PSMG4: variants seen among roughly 807,000 people sequenced by gnomAD.
The protein encoded by PSMG4 is proteasome (prosome, macropain) assembly chaperone 4.
A neutral mutation model predicts 11.0 loss-of-function variants in PSMG4; 10 were observed. That is an observed-to-expected ratio of 0.91 (90% confidence interval 0.56 to 1.54). The LOEUF (loss-of-function observed/expected upper bound fraction) is 1.54. Ranked by LOEUF, PSMG4 falls within the 40% of genes most tolerant of loss-of-function variation. The probability of loss-of-function intolerance (pLI) is 0.00; values close to 1 mark genes in which losing one functional copy is unlikely to be tolerated. For missense variants in PSMG4, 198 were observed against 160.9 expected (o/e 1.23, Z -1.25); for synonymous variants, 95 against 71.3 (o/e 1.33, Z -1.68).
chr6:3,265,360 G>A (rs1449630941), intron 2 of PSMG4: 1 of 152,342 alleles, frequency 6.6e-6, no homozygotes, highest in East Asian at 1.9e-4. Flanking sequence ...TAGGGAAAGA[G>A]AAGGCCTGGG....
At chr6:3,254,853 C>G (rs1259633242), upstream of PSMG4, among the ~76,000 whole-genome samples, 1 of 152,186 alleles carries the variant, frequency 6.6e-6, no homozygotes, top group African/African-American at 2.4e-5. Flanking sequence ...CACTTTAACT[C>G]AGGGTGAACA....
upstream of PSMG4, among the ~76,000 whole-genome samples, chr6:3,255,566 A>ACATGAGATGGTTACC (rs1561837303): frequency 6.6e-6 from 1 of 152,222 alleles, no homozygotes; most frequent in African/African-American, 2.4e-5. Flanking sequence ...TGTTCTGTTT[A>ACATGAGATGGTTACC]CATGAGATGG....
chr6:3,255,200 T>C (rs767652722), upstream of PSMG4: 4 of 1,550,284 alleles, frequency 2.6e-6, no homozygotes, highest in African/African-American at 5.5e-5. Context: ...AGTAGGATGT[T>C]TGGTGGCAGC....
At chr6:3,267,434 C>T in intron 2 of PSMG4, 157 bp from the exon 3 acceptor site, 1 of 752,442 alleles carries the variant, frequency 1.3e-6, no homozygotes, top group Non-Finnish European at 2.0e-6. Context: ...TCTGCATTTG[C>T]AGCACCTGTC....
At chr6:3,263,381 C>T (rs973153449) in intron 1 of PSMG4, among the ~76,000 whole-genome samples, 1 of 152,230 alleles carries the variant, frequency 6.6e-6, no homozygotes, top group Non-Finnish European at 1.5e-5. Context: ...TGTGGTGTTG[C>T]CCTTCAGCAT....
In PSMG4 at chr6:3,267,992, A is replaced by G; in HGVS notation, c.*280A>G. The G allele has an allele frequency of 3.3e-6, 1 of 300,388 alleles. No individual in the cohort carries two copies. The highest frequency in any genetic ancestry group is 2.1e-5 in the African/African-American group (1 of 47,140). The allele number at this position is 300,388 out of a possible 1,614,324, so 18.6% of individuals were successfully genotyped here. The stretch of plus-strand genomic sequence containing the variant: ...TTGAAGACTGTAATCTAAGAGTTTC[A>G]ATCAGACATGACTGTGACGTGCATC... On this transcript the variant is annotated 3_prime_UTR_variant, in exon 3 of 3. Coordinates refer to ENST00000438998, the MANE Select transcript of PSMG4 (RefSeq NM_001128591.2).
upstream of PSMG4, among the ~76,000 whole-genome samples, chr6:3,256,968 G>A (rs1186767603): frequency 6.6e-6 from 1 of 152,182 alleles, no homozygotes; most frequent in Non-Finnish European, 1.5e-5. Context: ...GGTTCCTGAG[G>A]ACGTGAAAGG....
At chr6:3,261,483 G>A (rs1160477510) in intron 1 of PSMG4, among the ~76,000 whole-genome samples, 6 of 152,168 alleles carry the variant, frequency 3.9e-5, no homozygotes. Context: ...CTCCTCCTGT[G>A]GGTGGTTTTG....
At chr6:3,255,352 C>A, upstream of PSMG4, 2 of 1,447,926 alleles carry the variant, frequency 1.4e-6, no homozygotes, top group South Asian at 3.0e-5. Flanking sequence ...TATGTAGTTG[C>A]TTAATTTTTC....
At chr6:3,256,958 G>GT (rs1296676836), upstream of PSMG4, among the ~76,000 whole-genome samples, 5 of 151,672 alleles carry the variant, frequency 3.3e-5, no homozygotes, top group Non-Finnish European at 5.9e-5. Context: ...TAATGAGGGG[G>GT]GTTCCTGAGG....
rs1581545897 is a variant in PSMG4, at chr6:3,258,997, C to A, written c.-26C>A. 1.6e-6 allele frequency: 2 copies of A among 1,240,478 alleles called. No homozygotes were observed. Among genetic ancestry groups the A allele is most frequent in the South Asian group, 7.6e-5 (2 of 26,354 alleles). The allele number at this position is 1,240,478 out of a possible 1,614,324, so 76.8% of individuals were successfully genotyped here. On this transcript the variant is annotated 5_prime_UTR_variant, in exon 1 of 3. The change creates a new upstream start codon in the 5' untranslated region. Coordinates refer to ENST00000438998, the MANE Select transcript of PSMG4 (RefSeq NM_001128591.2). The stretch of plus-strand genomic sequence containing the variant: ...CAGCGGCGAGGACCCGGGTCTGGCG[C>A]TGTGGGCCGGGAGCCGTGGGGCGGC...
At chr6:3,265,129 T>C (rs13196688) in intron 2 of PSMG4, 126,199 of 151,968 alleles carry the variant, frequency 0.83, 52,674 homozygotes, top group Non-Finnish European at 0.87. Context: ...AGAGGGGTTC[T>C]CAGTATCTCG....
rs997372091 is a variant in PSMG4 at position 3,259,193 on chromosome 6, C to G, written c.171C>G (p.Arg57=). 7.7e-6 allele frequency: 10 copies of G among 1,302,322 alleles called. No homozygotes were observed. Among genetic ancestry groups the G allele is most frequent in the Non-Finnish European group, 9.7e-6 (10 of 1,026,752 alleles). 80.7% of individuals were successfully genotyped at this position (1,302,322 alleles called of 1,614,324 possible). A position where few individuals can be genotyped will look rare whatever the true frequency, so the allele number is the denominator to read the frequency against. The change falls in exon 1 of 3, where the codon CGC becomes CGG. Residue 57 remains arginine (R), a synonymous_variant. Transcript: ENST00000438998. ...LRNLAVAMCS[R]YDSIPVSTSL... ...ACCTCGCCGTGGCCATGTGCAGCCG[C>G]TACGTGAGTGCCTGGCGGCCGAGGG... is the stretch of plus-strand genomic sequence containing the variant.
At chr6:3,254,971 T>G (rs775158111), upstream of PSMG4, 45 of 1,406,672 alleles carry the variant, frequency 3.2e-5, no homozygotes, top group South Asian at 4.1e-5. Context: ...GAGCATGTGA[T>G]GTGGCTGTGG....
chr6:3,261,597 T>C (rs1033839837), intron 1 of PSMG4, among the ~76,000 whole-genome samples: 3 of 152,216 alleles, frequency 2.0e-5, no homozygotes, highest in African/African-American at 7.2e-5. Context: ...AGGGGATTGA[T>C]TGAGTTACCT....
At chr6:3,254,951 G>A (rs533745620), upstream of PSMG4, 3 of 1,314,826 alleles carry the variant, frequency 2.3e-6, no homozygotes, top group Admixed American at 2.5e-5. Context: ...GTCAGCTGTT[G>A]GGTGTTGCAG....
upstream of PSMG4, among the ~76,000 whole-genome samples, chr6:3,257,098 G>A (rs1183075365): frequency 6.6e-6 from 1 of 152,208 alleles, no homozygotes; most frequent in South Asian, 2.1e-4. Context: ...AGCATTTTAG[G>A]AGAGGGACAA....
intron 1 of PSMG4, among the ~76,000 whole-genome samples, chr6:3,259,548 T>G (rs573890049): frequency 1.6e-4 from 24 of 152,350 alleles, no homozygotes; most frequent in South Asian, 4.1e-4. Context: ...GATAATTTTT[T>G]GGGGACTCTT....
upstream of PSMG4, among the ~76,000 whole-genome samples, chr6:3,256,768 C>T (rs1757780949): frequency 6.6e-6 from 1 of 152,220 alleles, no homozygotes; most frequent in Non-Finnish European, 1.5e-5. Flanking sequence ...TGCACTGGGG[C>T]AAACTGGCCT....
Sources: allele counts gnomAD v4.1 joint callset (sites outside exome capture counted in the v4.1 genomes callset), GRCh38; gene constraint gnomAD v4.1.1; transcripts MANE v1.5; gene names NCBI Gene and HGNC (gene_info 2026-07-23, HGNC 2026-07-21).